The following ZNF385D variants were observed in gnomAD, a reference collection of about 807,000 sequenced individuals.
ZNF385D encodes zinc finger protein 659.
A neutral mutation model predicts 35.8 loss-of-function variants in ZNF385D; 15 were observed. That is an observed-to-expected ratio of 0.42 (90% CI 0.28 to 0.64). ZNF385D has a LOEUF of 0.64. Among genes scored for constraint, ZNF385D ranks in the 30% least tolerant of loss-of-function variants. The pLI, the probability that ZNF385D is intolerant of heterozygous loss-of-function variation, is 0.23. For synonymous variants in ZNF385D, 212 were observed against 186.8 expected (o/e 1.13, Z -1.10); for missense variants, 474 against 494.6 (o/e 0.96, Z 0.39).
At chr3:21,637,501 G>A (rs1340515843) in intron 2 of ZNF385D, among the ~76,000 whole-genome samples, 1 of 152,024 alleles carries the variant, frequency 6.6e-6, no homozygotes, top group African/African-American at 2.4e-5. Context: ...TGCTGTTTTG[G>A]TGACCATGGC....
intron 3 of ZNF385D, among the ~76,000 whole-genome samples, chr3:22,072,952 G>A (rs1196506772): frequency 4.6e-5 from 7 of 151,970 alleles, no homozygotes; most frequent in African/African-American, 1.7e-4. Context: ...ACATAGAGAA[G>A]GGAGGCCACC....
intron 1 of ZNF385D, among the ~76,000 whole-genome samples, chr3:21,711,123 C>G (rs891089534): frequency 2.9e-5 from 4 of 139,764 alleles, no homozygotes; most frequent in Non-Finnish European, 4.5e-5. Flanking sequence ...CTCACTGCAA[C>G]TTCCGCCTCC....
intron 3 of ZNF385D, among the ~76,000 whole-genome samples, chr3:21,946,803 GC>G (rs1361167797): frequency 6.6e-6 from 1 of 152,220 alleles, no homozygotes; most frequent in Non-Finnish European, 1.5e-5. Flanking sequence ...CTGCACTCCA[GC>G]CTGGGTGATA....
At chr3:22,109,577 G>T (rs1702402612) in intron 3 of ZNF385D, among the ~76,000 whole-genome samples, 1 of 152,106 alleles carries the variant, frequency 6.6e-6, no homozygotes, top group South Asian at 2.1e-4. Flanking sequence ...AAGAAGTGAA[G>T]GTGAAGAGGA....
intron 3 of ZNF385D, among the ~76,000 whole-genome samples, chr3:22,136,019 G>C (rs778051255): frequency 1.6e-4 from 25 of 152,110 alleles, no homozygotes; most frequent in Non-Finnish European, 2.1e-4. Context: ...AAATTAGTAA[G>C]AGAAAAAAGA....
intron 4 of ZNF385D, among the ~76,000 whole-genome samples, chr3:21,474,657 G>A (rs756091682): frequency 6.6e-6 from 1 of 151,972 alleles, no homozygotes; most frequent in South Asian, 2.1e-4. Flanking sequence ...TTAATGTGTT[G>A]TAAATCCTGA....
chr3:21,901,104 T>C (rs1331021148), intron 3 of ZNF385D, among the ~76,000 whole-genome samples: 1 of 152,216 alleles, frequency 6.6e-6, no homozygotes. Context: ...GCTAAGCAAA[T>C]TGGCTGCATT....
intron 4 of ZNF385D, among the ~76,000 whole-genome samples, chr3:21,478,877 C>T (rs1247301634): frequency 2.0e-5 from 3 of 151,956 alleles, no homozygotes; most frequent in South Asian, 4.1e-4. Context: ...TCAAATTTAG[C>T]AGCAGGAAAA....
At chr3:21,814,773 A>G (rs2073077340) in intron 3 of ZNF385D, among the ~76,000 whole-genome samples, 2 of 152,188 alleles carry the variant, frequency 1.3e-5, no homozygotes, top group African/African-American at 2.4e-5. Flanking sequence ...AGACAGATCA[A>G]TGAGACAGAA....
chr3:22,223,087 T>G (rs968825659), intron 2 of ZNF385D, among the ~76,000 whole-genome samples: 2 of 152,146 alleles, frequency 1.3e-5, no homozygotes, highest in African/African-American at 2.4e-5. Flanking sequence ...ATATTATCAT[T>G]TAAAGTTTTT....
intron 3 of ZNF385D, among the ~76,000 whole-genome samples, chr3:21,837,888 T>A (rs1256398503): frequency 1.6e-5 from 2 of 121,970 alleles, no homozygotes; most frequent in Admixed American, 8.2e-5. Context: ...AAAAAAAAAT[T>A]GGAGAAATAG....
intron 3 of ZNF385D, among the ~76,000 whole-genome samples, chr3:21,781,383 T>C (rs1285733926): frequency 6.6e-6 from 1 of 152,006 alleles, no homozygotes; most frequent in Non-Finnish European, 1.5e-5. Flanking sequence ...ATGCCCCAAA[T>C]TCCTAAAATA....
chr3:21,941,070 A>C (rs568826993), intron 3 of ZNF385D, among the ~76,000 whole-genome samples: 1 of 152,336 alleles, frequency 6.6e-6, no homozygotes, highest in Non-Finnish European at 1.5e-5. Flanking sequence ...CCAGCCAATG[A>C]AAAAAGATGA....
intron 4 of ZNF385D, among the ~76,000 whole-genome samples, chr3:21,489,584 T>C (rs1705268164): frequency 6.8e-6 from 1 of 147,530 alleles, no homozygotes; most frequent in South Asian, 2.1e-4. Flanking sequence ...TTTTTAGACA[T>C]GTGATGTCAA....
chr3:21,559,433 G>A (rs917660208), intron 3 of ZNF385D, among the ~76,000 whole-genome samples: 6 of 152,074 alleles, frequency 3.9e-5, no homozygotes, highest in African/African-American at 1.5e-4. Flanking sequence ...TAGTTTGCCT[G>A]GATAGGAAAT....
At chr3:21,630,495 G>A (rs1559473740) in intron 2 of ZNF385D, among the ~76,000 whole-genome samples, 1 of 151,842 alleles carries the variant, frequency 6.6e-6, no homozygotes, top group African/African-American at 2.4e-5. Flanking sequence ...GTGAGCCACC[G>A]CGCCTGGCCA....
At chr3:22,338,120 A>T (rs73136320) in intron 2 of ZNF385D, among the ~76,000 whole-genome samples, 2,300 of 152,320 alleles carry the variant, frequency 0.015, 56 homozygotes, top group African/African-American at 0.053. Flanking sequence ...TAATAAGTTG[A>T]GAAACATGAA....
rs6777264 is a variant in ZNF385D at position 22,067,572 on chromosome 3, A to G, written c.325+101245T>C. Reference sequence around the variant, plus strand: ...TTTCCTCTCTTTCTAATGATTCATAACACTAAAGTTAACTCAGAGGTGGTA... The same window carrying G: ...TTTCCTCTCTTTCTAATGATTCATAGCACTAAAGTTAACTCAGAGGTGGTA... On this transcript the variant is annotated intron_variant, in intron 3 of 5. Coordinates refer to the ZNF385D transcript ENST00000494108. 4.3e-3 allele frequency among the ~76,000 whole-genome samples: 661 copies of G among 152,336 alleles called. 9 individuals are homozygous for G. The highest frequency in any genetic ancestry group is 0.015 in the African/African-American group (630 of 41,582).
intron 2 of ZNF385D, among the ~76,000 whole-genome samples, chr3:21,593,053 G>A (rs2064027114): frequency 6.6e-6 from 1 of 152,208 alleles, no homozygotes; most frequent in African/African-American, 2.4e-5. Flanking sequence ...CACATCTACA[G>A]CCACCCGGGA....
Sources: allele counts gnomAD v4.1 joint callset (sites outside exome capture counted in the v4.1 genomes callset), GRCh38; gene constraint gnomAD v4.1.1; transcripts MANE v1.5; gene names NCBI Gene and HGNC (gene_info 2026-07-23, HGNC 2026-07-21).